Variants in MGAT4C observed in about 807,000 individuals in gnomAD.
The protein encoded by MGAT4C is MGAT4 family member C.
In MGAT4C, 19 loss-of-function variants were observed where a neutral mutation model predicts 40.1. That is an observed-to-expected ratio of 0.47 (90% confidence interval 0.33 to 0.70). The LOEUF (loss-of-function observed/expected upper bound fraction) is 0.70. Ranked by LOEUF, MGAT4C falls within the 30% of genes least tolerant of loss-of-function variation. The probability of loss-of-function intolerance (pLI) is 0.02; values close to 1 mark genes in which losing one functional copy is unlikely to be tolerated. For missense variants in MGAT4C, 491 were observed against 563.2 expected (o/e 0.87, Z 1.30); for synonymous variants, 181 against 187.1 (o/e 0.97, Z 0.27).
chr12:86,011,703 A>C (rs1031372353), intron 2 of MGAT4C: 10 of 316,596 alleles, frequency 3.2e-5, no homozygotes, highest in African/African-American at 2.0e-4. Flanking sequence ...TTAGTAACTT[A>C]GGGTCCCAGT....
intron 2 of MGAT4C, among the ~76,000 whole-genome samples, chr12:86,524,302 C>T (rs936200223): frequency 6.6e-6 from 1 of 152,192 alleles, no homozygotes; most frequent in African/African-American, 2.4e-5. Context: ...CAAATGTCCT[C>T]AGCATTTACT....
intron 2 of MGAT4C, among the ~76,000 whole-genome samples, chr12:86,024,293 A>ATT (rs139748543): frequency 4.6e-5 from 7 of 150,566 alleles, no homozygotes; most frequent in African/African-American, 1.7e-4. Flanking sequence ...CAATTAATAC[A>ATT]TTTTTTTTTC....
At chr12:86,335,595 C>A (rs1426924485) in intron 3 of MGAT4C, among the ~76,000 whole-genome samples, 1 of 152,064 alleles carries the variant, frequency 6.6e-6, no homozygotes, top group Non-Finnish European at 1.5e-5. Flanking sequence ...AAAATCATCT[C>A]TAGATTGAGG....
chr12:86,377,636 T>C (rs2136217161), intron 3 of MGAT4C, among the ~76,000 whole-genome samples: 1 of 152,314 alleles, frequency 6.6e-6, no homozygotes, highest in South Asian at 2.1e-4. Flanking sequence ...TTTGATTTTT[T>C]CACCAAAGAT....
At chr12:86,243,427 C>T (rs960263974) in intron 1 of MGAT4C, among the ~76,000 whole-genome samples, 1 of 152,186 alleles carries the variant, frequency 6.6e-6, no homozygotes, top group African/African-American at 2.4e-5. Flanking sequence ...ATTCCCTCCC[C>T]TTGAGTGTGG....
At chr12:86,101,245 A>G (rs1401848568) in intron 1 of MGAT4C, among the ~76,000 whole-genome samples, 1 of 151,824 alleles carries the variant, frequency 6.6e-6, no homozygotes, top group African/African-American at 2.4e-5. Flanking sequence ...GTCAATGAAC[A>G]AGGGCTTAAG....
At chr12:86,302,068 T>G (rs1592670104) in intron 4 of MGAT4C, among the ~76,000 whole-genome samples, 1 of 151,078 alleles carries the variant, frequency 6.6e-6, no homozygotes, top group Non-Finnish European at 1.5e-5. Context: ...TTAAATAAAC[T>G]TTTTTTAAAT....
At chr12:86,303,875 A>G (rs1428303648) in intron 4 of MGAT4C, among the ~76,000 whole-genome samples, 1 of 150,176 alleles carries the variant, frequency 6.7e-6, no homozygotes, top group Non-Finnish European at 1.5e-5. Flanking sequence ...TTCTCTCTCC[A>G]TCCCTCTCTC....
rs1379823004 is a variant in MGAT4C at position 85,968,662 on chromosome 12, T to C, written c.*10627A>G. On this transcript the variant is annotated 3_prime_UTR_variant, in exon 5 of 5. Transcript: ENST00000611864. ...GAATTTTACTGTGGTACAGTCTTAG[T>C]TGCTCCGTGGTTGTCAAATCTGTCT... The C allele has an allele frequency of 1.3e-5, 2 of 151,924 alleles. No homozygotes were observed. Among genetic ancestry groups the C allele is most frequent in the East Asian group, 3.9e-4 (2 of 5,194 alleles). The allele number at this position is 151,924 out of a possible 1,614,324, so 9.4% of individuals were successfully genotyped here.
intron 2 of MGAT4C, among the ~76,000 whole-genome samples, chr12:86,626,106 C>T (rs1467634760): frequency 6.6e-6 from 1 of 152,018 alleles, no homozygotes; most frequent in Non-Finnish European, 1.5e-5. Flanking sequence ...AGGCTCTATG[C>T]TAGATAAAGT....
chr12:86,479,706 T>A (rs965874976), intron 2 of MGAT4C, among the ~76,000 whole-genome samples: 1 of 151,902 alleles, frequency 6.6e-6, no homozygotes, highest in Non-Finnish European at 1.5e-5. Flanking sequence ...GTACTCTTTG[T>A]AAGCGAAATG....
chr12:86,246,286 C>G (rs1952024738), intron 1 of MGAT4C, among the ~76,000 whole-genome samples: 1 of 150,304 alleles, frequency 6.7e-6, no homozygotes, highest in African/African-American at 2.4e-5. Context: ...CCTGGGTTCA[C>G]GCCATTCTCC....
intron 1 of MGAT4C, among the ~76,000 whole-genome samples, chr12:86,076,150 A>G (rs939685796): frequency 1.3e-5 from 2 of 152,150 alleles, no homozygotes; most frequent in African/African-American, 4.8e-5. Context: ...GATACCCTAA[A>G]TCATCTCTCT....
chr12:86,302,419 T>TG (rs112184668), intron 4 of MGAT4C, among the ~76,000 whole-genome samples: 1 of 148,886 alleles, frequency 6.7e-6, no homozygotes, highest in Non-Finnish European at 1.5e-5. Flanking sequence ...GTTGGTTGGT[T>TG]GGTTGGGTTT....
chr12:86,026,745 C>A (rs1193863788), intron 2 of MGAT4C, among the ~76,000 whole-genome samples: 1 of 151,846 alleles, frequency 6.6e-6, no homozygotes, highest in Non-Finnish European at 1.5e-5. Context: ...TTCTGCATTT[C>A]AAATAGATCT....
At chr12:86,415,362 T>C (rs1035681900) in intron 3 of MGAT4C, among the ~76,000 whole-genome samples, 1 of 151,984 alleles carries the variant, frequency 6.6e-6, no homozygotes, top group Non-Finnish European at 1.5e-5. Flanking sequence ...CCTATGTTAA[T>C]AACTAACATA....
chr12:86,277,601 T>C (rs1566252584), intron 4 of MGAT4C, among the ~76,000 whole-genome samples: 1 of 152,208 alleles, frequency 6.6e-6, no homozygotes. Flanking sequence ...GGTAGTTTCA[T>C]TCTTCTGCAT....
chr12:86,118,172 T>C (rs1424977229), intron 1 of MGAT4C, among the ~76,000 whole-genome samples: 4 of 151,848 alleles, frequency 2.6e-5, no homozygotes, highest in African/African-American at 9.7e-5. Context: ...TTTCCTAGTG[T>C]AGCTGGACAC....
At chr12:86,508,102 C>T (rs1958503776) in intron 2 of MGAT4C, among the ~76,000 whole-genome samples, 1 of 151,918 alleles carries the variant, frequency 6.6e-6, no homozygotes, top group African/African-American at 2.4e-5. Context: ...TACATGTGCA[C>T]AATGTGCAGG....
Sources: gnomAD v4.1 joint callset for allele counts (sites outside exome capture counted in the v4.1 genomes callset) on GRCh38, gnomAD v4.1.1 for gene constraint, MANE v1.5 for transcripts, NCBI Gene and HGNC (gene_info 2026-07-23, HGNC 2026-07-21) for gene names.